Variants in SLC17A8 observed in about 807,000 individuals in gnomAD.
SLC17A8 encodes vesicular glutamate transporter 3.
In SLC17A8, 31 loss-of-function variants were observed where a neutral mutation model predicts 58.0. The observed-to-expected ratio is 0.53, with a 90% CI of 0.40 to 0.72. The LOEUF is 0.72. Among genes scored for constraint, SLC17A8 ranks in the 30% least tolerant of loss-of-function variants. The pLI is 0.00. For synonymous variants in SLC17A8, 228 were observed against 249.0 expected (o/e 0.92, Z 0.79); for missense variants, 655 against 727.8 (o/e 0.90, Z 1.15).
In SLC17A8 at chr12:100,402,423, G is replaced by T; in HGVS notation, c.847G>T (p.Glu283Ter). ...PAAHPTISNEEKTYIETSIGE... is the reference protein window; with the variant it reads ...PAAHPTISNE ...AGCTCATCCAACAATATCCAATGAG[G>T]AGAAGACCTATATAGAGACAAGCAT... is the stretch of plus-strand genomic sequence containing the variant. The change falls in exon 7 of 12, where the codon GAG (glutamate) becomes TAG (stop). Residue 283 changes from glutamate to a stop codon, truncating the protein, a stop_gained. Coordinates refer to ENST00000323346, the MANE Select transcript of SLC17A8 (RefSeq NM_139319.3). LOFTEE classifies it high-confidence loss of function. 1 of 1,614,094 alleles carries T rather than the reference G, an allele frequency of 6.2e-7. No homozygotes were observed. Among genetic ancestry groups the T allele is most frequent in the Non-Finnish European group, 8.5e-7 (1 of 1,180,008 alleles).
intron 1 of SLC17A8, among the ~76,000 whole-genome samples, chr12:100,378,653 T>G (rs895498447): frequency 3.9e-5 from 6 of 151,910 alleles, no homozygotes; most frequent in African/African-American, 1.5e-4. Flanking sequence ...GCAATATTCG[T>G]GAGGGGATAA....
chr12:100,378,404 G>A (rs1043203071), intron 1 of SLC17A8, among the ~76,000 whole-genome samples: 2 of 152,156 alleles, frequency 1.3e-5, no homozygotes, highest in South Asian at 2.1e-4. Context: ...GGGGGCTCAG[G>A]TTGGGAATAC....
intron 1 of SLC17A8, among the ~76,000 whole-genome samples, chr12:100,371,253 A>G (rs971638625): frequency 1.3e-5 from 2 of 152,148 alleles, no homozygotes; most frequent in African/African-American, 4.8e-5. Flanking sequence ...AAATGAGGGA[A>G]CTCAGGTTGA....
chr12:100,385,674 C>A (rs1212891421), intron 2 of SLC17A8, among the ~76,000 whole-genome samples: 3 of 152,164 alleles, frequency 2.0e-5, no homozygotes, highest in African/African-American at 7.2e-5. Context: ...TCCTTGCTAA[C>A]CCTCATTGCC....
At chr12:100,400,300 G>A (rs947250309) in intron 5 of SLC17A8, among the ~76,000 whole-genome samples, 1 of 152,100 alleles carries the variant, frequency 6.6e-6, no homozygotes, top group African/African-American at 2.4e-5. Flanking sequence ...CACCTTATTG[G>A]TTTGAGGAGC....
At chr12:100,415,161 C>CA (rs945882435) in intron 10 of SLC17A8, among the ~76,000 whole-genome samples, 3 of 151,210 alleles carry the variant, frequency 2.0e-5, no homozygotes, top group African/African-American at 7.3e-5. Flanking sequence ...TTTTGTTTTC[C>CA]TTTTTTTTTA....
intron 1 of SLC17A8, among the ~76,000 whole-genome samples, chr12:100,362,379 T>C (rs7301230): frequency 0.028 from 4,247 of 152,242 alleles, 185 homozygotes; most frequent in African/African-American, 0.093. Context: ...GGGCTAGTTT[T>C]ATTTATTTTT....
intron 1 of SLC17A8, among the ~76,000 whole-genome samples, chr12:100,376,042 T>C (rs1952592675): frequency 6.6e-6 from 1 of 152,110 alleles, no homozygotes; most frequent in East Asian, 1.9e-4. Flanking sequence ...TGTCCTTATA[T>C]GAAGAAAAAA....
chr12:100,418,113 G>C lies in SLC17A8; in HGVS notation c.1382G>C (p.Gly461Ala), dbSNP rs147189857. 6 of 1,613,994 alleles carry C rather than the reference G, an allele frequency of 3.7e-6. No individual in the cohort carries two copies. The African/African-American group carries it at 8.0e-5, about 22-fold the overall frequency. The change falls in exon 11 of 12, where the codon GGA (glycine) becomes GCA (alanine). Residue 461 changes from glycine to alanine, a missense_variant. By Grantham distance (60) the Gly-to-Ala change is moderately conservative (BLOSUM62 0). Coordinates refer to ENST00000323346, the MANE Select transcript of SLC17A8 (RefSeq NM_139319.3). ...TCAAACGGAGTGGGAACCCTCTCTG[G>C]AATGGTCTGTCCCCTCATTGTCGGT... ...GISNGVGTLS[G>A]MVCPLIVGAM...
intron 5 of SLC17A8, among the ~76,000 whole-genome samples, chr12:100,398,945 C>T (rs1952770980): frequency 6.6e-6 from 1 of 152,110 alleles, no homozygotes; most frequent in African/African-American, 2.4e-5. Context: ...CTCTTCTATG[C>T]CTTCTGCCAT....
chr12:100,420,052 T>A lies in SLC17A8; in HGVS notation c.1663T>A (p.Cys555Ser). The change falls in exon 12 of 12, where the codon TGT (cysteine) becomes AGT (serine). Residue 555 changes from cysteine to serine, a missense_variant. Coordinates refer to ENST00000323346, the MANE Select transcript of SLC17A8 (RefSeq NM_139319.3). ...KMSYGATSQNCEVQKKEWKGQ... is the reference protein window; with the variant it reads ...KMSYGATSQNSEVQKKEWKGQ... ...GTCTTATGGAGCCACCTCCCAGAAT[T>A]GTGAAGTCCAGAAGAAGGAATGGAA... is the stretch of plus-strand genomic sequence containing the variant. The A allele has an allele frequency of 1.9e-6, 3 of 1,614,124 alleles. No homozygotes were observed. Among genetic ancestry groups the A allele is most frequent in the Non-Finnish European group, 2.5e-6 (3 of 1,180,008 alleles).
At chr12:100,419,702 G>C in intron 11 of SLC17A8, 113 bp from the exon 12 acceptor site, 1 of 1,021,336 alleles carries the variant, frequency 9.8e-7, no homozygotes, top group Non-Finnish European at 1.5e-6. Flanking sequence ...GGAGCCTCTA[G>C]AGCATCACCT....
At chr12:100,389,439 C>A (rs905006811) in intron 2 of SLC17A8, among the ~76,000 whole-genome samples, 3 of 152,150 alleles carry the variant, frequency 2.0e-5, no homozygotes, top group Non-Finnish European at 1.5e-5. Context: ...TGTGCTATCA[C>A]AAAACTGGCA....
At chr12:100,410,222 G>T (rs1354556177) in intron 9 of SLC17A8, among the ~76,000 whole-genome samples, 2 of 152,050 alleles carry the variant, frequency 1.3e-5, no homozygotes, top group Non-Finnish European at 2.9e-5. Context: ...TAGACTGGGC[G>T]TGGTGGCTCA....
At chr12:100,415,884 C>T (rs1254119592) in intron 10 of SLC17A8, among the ~76,000 whole-genome samples, 1 of 152,072 alleles carries the variant, frequency 6.6e-6, no homozygotes, top group Non-Finnish European at 1.5e-5. Context: ...TCTGTTGGTC[C>T]CAGCAATGAC....
chr12:100,357,730 G>A (rs1952458435), intron 1 of SLC17A8, among the ~76,000 whole-genome samples: 1 of 152,126 alleles, frequency 6.6e-6, no homozygotes, highest in Non-Finnish European at 1.5e-5. Flanking sequence ...TATATAGCTG[G>A]ATTAGCACTT....
intron 9 of SLC17A8, among the ~76,000 whole-genome samples, chr12:100,405,583 G>C (rs1952821109): frequency 6.6e-6 from 1 of 152,120 alleles, no homozygotes; most frequent in Non-Finnish European, 1.5e-5. Flanking sequence ...GCAGACCCTA[G>C]AAGCTGGAGA....
chr12:100,418,008 G>C lies in SLC17A8; in HGVS notation c.1298-21G>C, dbSNP rs768634114. 6.2e-6 allele frequency: 10 copies of C among 1,614,120 alleles called. No individual in the cohort carries two copies. In the East Asian group the frequency reaches 2.0e-4, roughly 32 times the overall value. On this transcript the variant is annotated intron_variant, in intron 10 of 11. Coordinates refer to ENST00000323346, the MANE Select transcript of SLC17A8 (RefSeq NM_139319.3). Reference sequence around the variant, plus strand: ...AAATTCTGTTCTTGACTCTGATTTTGAGGTTTTGGCTTCACTGTAGGTTTT... The same window carrying C: ...AAATTCTGTTCTTGACTCTGATTTTCAGGTTTTGGCTTCACTGTAGGTTTT...
chr12:100,419,258 T>C (rs1455993397), intron 11 of SLC17A8, among the ~76,000 whole-genome samples: 1 of 152,190 alleles, frequency 6.6e-6, no homozygotes, highest in African/African-American at 2.4e-5. Flanking sequence ...ATGTTGTTTA[T>C]TTTAAAATGT....
Sources: gnomAD v4.1 joint callset for allele counts (sites outside exome capture counted in the v4.1 genomes callset) on GRCh38, gnomAD v4.1.1 for gene constraint, MANE v1.5 for transcripts, NCBI Gene and HGNC (gene_info 2026-07-23, HGNC 2026-07-21) for gene names.